The following ELMO1 variants were observed in gnomAD, a reference collection of about 807,000 sequenced individuals.
The protein encoded by ELMO1 is engulfment and cell motility protein 1.
Under a neutral mutation model 98.9 loss-of-function variants are expected in ELMO1, and 26 were observed. The ratio of observed to expected loss-of-function variants is 0.26; its 90% CI spans 0.19 to 0.36. ELMO1 has a LOEUF of 0.36. Ranked by LOEUF, ELMO1 falls within the 10% of genes least tolerant of loss-of-function variation. The pLI, the probability that ELMO1 is intolerant of heterozygous loss-of-function variation, is 1.00. For synonymous variants in ELMO1, 346 were observed against 346.0 expected (o/e 1.00, Z 0.00); for missense variants, 627 against 935.2 (o/e 0.67, Z 4.30).
At chr7:37,318,953 C>A (rs1799346163) in intron 2 of ELMO1, among the ~76,000 whole-genome samples, 1 of 152,212 alleles carries the variant, frequency 6.6e-6, no homozygotes, top group African/African-American at 2.4e-5. Context: ...ACACATATAA[C>A]TAATCCTTCA....
At chr7:36,997,155 C>A (rs533021938) in intron 16 of ELMO1, among the ~76,000 whole-genome samples, 1 of 152,196 alleles carries the variant, frequency 6.6e-6, no homozygotes, top group East Asian at 1.9e-4. Flanking sequence ...ACAGAACAAA[C>A]TGAGTCCATA....
intron 6 of ELMO1, among the ~76,000 whole-genome samples, chr7:37,250,575 G>A (rs944097446): frequency 1.3e-5 from 2 of 151,886 alleles, no homozygotes; most frequent in African/African-American, 4.8e-5. Context: ...GGTGGATCAC[G>A]AGGTCAGGAG....
intron 16 of ELMO1, among the ~76,000 whole-genome samples, chr7:36,910,886 A>C (rs959989207): frequency 3.3e-5 from 5 of 152,174 alleles, no homozygotes; most frequent in Admixed American, 3.3e-4. Context: ...AACCTTCAGC[A>C]CATCCTTTCA....
At chr7:37,136,391 T>A (rs1384276487) in intron 13 of ELMO1, among the ~76,000 whole-genome samples, 1 of 152,132 alleles carries the variant, frequency 6.6e-6, no homozygotes, top group African/African-American at 2.4e-5. Flanking sequence ...GGTAAATTCA[T>A]CACAAAAACA....
chr7:37,007,848 T>C (rs1329065205), intron 16 of ELMO1, among the ~76,000 whole-genome samples: 15 of 152,154 alleles, frequency 9.9e-5, no homozygotes, highest in Non-Finnish European at 5.9e-5. Context: ...CTCCCGTTCT[T>C]CCTAATTGAG....
At chr7:37,375,925 C>T in intron 1 of ELMO1, 1 of 642,566 alleles carries the variant, frequency 1.6e-6, no homozygotes, top group South Asian at 1.6e-5. Flanking sequence ...TGCTGTGCCT[C>T]CTGGTGCCAA....
At chr7:37,145,509 C>G (rs1342305325) in intron 13 of ELMO1, among the ~76,000 whole-genome samples, 3 of 152,226 alleles carry the variant, frequency 2.0e-5, no homozygotes, top group Non-Finnish European at 4.4e-5. Flanking sequence ...TGTATTAGCA[C>G]CTCCGCAGGG....
intron 18 of ELMO1, among the ~76,000 whole-genome samples, chr7:36,879,065 C>T (rs183257732): frequency 1.3e-5 from 2 of 152,310 alleles, no homozygotes; most frequent in East Asian, 1.9e-4. Context: ...AATGTTAACA[C>T]CTTAGTATTT....
In ELMO1 at chr7:37,152,317, G is replaced by C. The variant is rs544207684; in HGVS notation, c.1087-19083C>G. Among the ~76,000 whole-genome samples the C allele has an allele frequency of 5.2e-3, 789 of 152,278 alleles. 5 individuals are homozygous for C. Among genetic ancestry groups the C allele is most frequent in the Non-Finnish European group, 8.5e-3 (575 of 68,020 alleles). On this transcript the variant is annotated intron_variant, in intron 13 of 21. Coordinates refer to ENST00000310758, the MANE Select transcript of ELMO1 (RefSeq NM_014800.11). ...GCCTGGCCCACGAACGCTGCCCTGA[G>C]CTGCCAGGGCTGTGTGGGACTGGTC...
At chr7:37,234,984 C>A (rs1454110898) in intron 7 of ELMO1, among the ~76,000 whole-genome samples, 2 of 152,180 alleles carry the variant, frequency 1.3e-5, no homozygotes, top group Non-Finnish European at 2.9e-5. Context: ...CAGCTAATAT[C>A]TCTGGCTTTT....
intron 13 of ELMO1, among the ~76,000 whole-genome samples, chr7:37,175,720 G>A (rs564016087): frequency 4.6e-5 from 7 of 152,244 alleles, no homozygotes; most frequent in Admixed American, 2.0e-4. Context: ...GGTGGTGCAC[G>A]CCTGTAATCC....
intron 18 of ELMO1, among the ~76,000 whole-genome samples, chr7:36,882,713 G>A (rs761458345): frequency 6.6e-6 from 1 of 152,198 alleles, no homozygotes; most frequent in Admixed American, 6.5e-5. Context: ...TTCTTCATAT[G>A]TACAATGGTC....
chr7:37,327,033 G>A (rs748513695), intron 2 of ELMO1, among the ~76,000 whole-genome samples: 2 of 152,170 alleles, frequency 1.3e-5, no homozygotes, highest in Non-Finnish European at 2.9e-5. Context: ...CAAGAACAAC[G>A]TTTTTCCCCA....
chr7:37,302,372 C>T (rs1798394077), intron 4 of ELMO1, among the ~76,000 whole-genome samples: 1 of 152,072 alleles, frequency 6.6e-6, no homozygotes, highest in Non-Finnish European at 1.5e-5. Flanking sequence ...TCCTGTAAAC[C>T]TCTAAGGCTA....
intron 4 of ELMO1, among the ~76,000 whole-genome samples, chr7:37,277,632 G>A (rs553612897): frequency 2.0e-5 from 3 of 152,136 alleles, no homozygotes; most frequent in South Asian, 2.1e-4. Context: ...CAATATGGCC[G>A]GCATATCTGT....
chr7:37,097,242 AAG>A (rs1383342162), intron 14 of ELMO1, among the ~76,000 whole-genome samples: 1 of 152,298 alleles, frequency 6.6e-6, no homozygotes, highest in East Asian at 1.9e-4. Context: ...ACTTCATACT[AAG>A]AGAAAAACTG....
chr7:37,417,468 G>A (rs1461952476), intron 1 of ELMO1, among the ~76,000 whole-genome samples: 1 of 152,136 alleles, frequency 6.6e-6, no homozygotes, highest in Non-Finnish European at 1.5e-5. Flanking sequence ...GAGACCATCT[G>A]GCTAACATGG....
intron 19 of ELMO1, among the ~76,000 whole-genome samples, chr7:36,873,585 T>C (rs938956251): frequency 5.9e-5 from 9 of 152,246 alleles, no homozygotes; most frequent in Non-Finnish European, 1.3e-4. Context: ...AAATCAATTA[T>C]GCAATGATAC....
chr7:36,997,917 GA>G (rs1415960963), intron 16 of ELMO1: 3 of 152,304 alleles, frequency 2.0e-5, no homozygotes, highest in Non-Finnish European at 4.4e-5. Context: ...TGAGCTAAAT[GA>G]AGCAATTGCA....
Sources: allele counts gnomAD v4.1 joint callset (sites outside exome capture counted in the v4.1 genomes callset), GRCh38; gene constraint gnomAD v4.1.1; transcripts MANE v1.5; gene names NCBI Gene and HGNC (gene_info 2026-07-23, HGNC 2026-07-21).